The following FAM53A variants were observed in gnomAD, a reference collection of about 807,000 sequenced individuals.
The protein encoded by FAM53A is protein FAM53A.
Under a neutral mutation model 26.6 loss-of-function variants are expected in FAM53A, and 28 were observed. The ratio of observed to expected loss-of-function variants is 1.05; its 90% CI spans 0.78 to 1.45. The LOEUF is 1.45. FAM53A is among the 40% of genes most tolerant of loss of function. The pLI, the probability that FAM53A is intolerant of heterozygous loss-of-function variation, is 0.00. For missense variants in FAM53A, 650 were observed against 575.8 expected, an observed-to-expected ratio of 1.13 and a Z score of -1.32; for synonymous variants, 290 against 253.1, an observed-to-expected ratio of 1.15 and a Z score of -1.38.
chr4:1,668,146 C>T (rs1479106375), intron 2 of FAM53A, among the ~76,000 whole-genome samples: 1 of 13,220 alleles, frequency 7.6e-5, no homozygotes, highest in Non-Finnish European at 5.1e-4. Context: ...CAAGTCAAGG[C>T]TCTTTTTTTT....
At chr4:1,652,389 G>GCACA (rs1553806266) in intron 4 of FAM53A, among the ~76,000 whole-genome samples, 1 of 118,424 alleles carries the variant, frequency 8.4e-6, no homozygotes, top group Non-Finnish European at 1.7e-5. Context: ...CACATCACAT[G>GCACA]CACACCACAC....
rs142856177 is a variant in FAM53A at position 1,655,049 on chromosome 4, G to C, written c.811C>G (p.Arg271Gly). 3,501 of 1,589,042 alleles carry C rather than the reference G, an allele frequency of 2.2e-3. 71 individuals are homozygous for C. The African/African-American group carries it at 0.042, about 19-fold the overall frequency. ...QPCVLSGKRS[R>G]RKRRREEDAR... The stretch of plus-strand genomic sequence containing the variant: ...TCCTCCTCACGCCTCCGTTTGCGCC[G>C]GCTCCTCTTCCCACTGAGCACGCAA... Residue 271 changes from arginine (R) to glycine (G), a missense_variant, in exon 4 of 5, where the codon CGG becomes GGG. Transcript: ENST00000308132.
chr4:1,596,472 C>A, the FAM53A span, among the ~76,000 whole-genome samples: 1 of 146,206 alleles, frequency 6.8e-6, no homozygotes, highest in African/African-American at 2.6e-5. Context: ...CTGGCTACAC[C>A]GTCCAGATGT....
the FAM53A span, among the ~76,000 whole-genome samples, chr4:1,605,743 C>T: frequency 0.083 from 12,590 of 152,154 alleles, 1,552 homozygotes; most frequent in African/African-American, 0.27. The surrounding 1 kb of genome is among the most constrained non-coding windows in gnomAD (Gnocchi z 5.7). Context: ...CTGCAGGCAC[C>T]GCCCGCAGCA....
intron 1 of FAM53A, among the ~76,000 whole-genome samples, chr4:1,629,111 C>G (rs1195278788): frequency 6.6e-6 from 1 of 152,000 alleles, no homozygotes; most frequent in Admixed American, 6.5e-5. Flanking sequence ...CCCCTCCAGG[C>G]GGATACCTCG....
the FAM53A span, among the ~76,000 whole-genome samples, chr4:1,599,491 T>A: frequency 6.6e-6 from 1 of 152,224 alleles, no homozygotes; most frequent in East Asian, 1.9e-4. This position sits in a 1 kb window ranked among gnomAD's most constrained non-coding sequence, Gnocchi z 6.1. Context: ...GGAGCAGCAC[T>A]GGACAGGAGG....
In FAM53A at chr4:1,655,255, G is replaced by A. The variant is rs371811251; in HGVS notation, c.605C>T (p.Ala202Val). The part of the protein sequence containing the change: ...GGFVDSSEGS[A>V]GSGPLWCSAE... ...GGAACACCAGAGCGGGCCTGAGCCC[G>A]CACTGCCCTCGCTGCTGTCCACGAA... The change falls in exon 4 of 5, where the codon GCG becomes GTG. Residue 202 changes from alanine to valine, a missense_variant. Ala to Val is a moderately conservative substitution (Grantham distance 64). Transcript: ENST00000308132. The A allele has an allele frequency of 9.2e-5, 135 of 1,468,330 alleles. 2 individuals are homozygous for A. In the East Asian group the frequency reaches 1.5e-3, roughly 16 times the overall value. The allele number at this position is 1,468,330 out of a possible 1,614,324, so 91.0% of individuals were successfully genotyped here. A position where few individuals can be genotyped will look rare whatever the true frequency, so the allele number is the denominator to read the frequency against.
At chr4:1,578,422 C>T in the FAM53A span, among the ~76,000 whole-genome samples, 6 of 77,824 alleles carry the variant, frequency 7.7e-5, no homozygotes, top group African/African-American at 2.5e-4. Context: ...TGCGCTAGTG[C>T]CCGCACCCGG....
intron 2 of FAM53A, among the ~76,000 whole-genome samples, chr4:1,662,829 T>C (rs564831600): frequency 6.6e-6 from 1 of 152,072 alleles, no homozygotes; most frequent in South Asian, 2.1e-4. Context: ...AGAACCACAA[T>C]GAGATACCAC....
the FAM53A span, among the ~76,000 whole-genome samples, chr4:1,597,218 C>A: frequency 9.7e-6 from 1 of 103,378 alleles, no homozygotes; most frequent in African/African-American, 3.8e-5. Flanking sequence ...GGGCCCTCAG[C>A]CGCCTGGCTC....
At chr4:1,593,691 G>A in the FAM53A span, among the ~76,000 whole-genome samples, 6 of 152,072 alleles carry the variant, frequency 3.9e-5, no homozygotes, top group Non-Finnish European at 5.9e-5. Context: ...GGCTGCCGGG[G>A]TATAAATTAC....
chr4:1,673,289 G>A (rs1008274891), intron 1 of FAM53A, among the ~76,000 whole-genome samples: 1 of 152,216 alleles, frequency 6.6e-6, no homozygotes, highest in Admixed American at 6.5e-5. Flanking sequence ...ACCGTCAGAT[G>A]CCAGCACCAT....
chr4:1,603,009 G>C, the FAM53A span, among the ~76,000 whole-genome samples: 1 of 152,278 alleles, frequency 6.6e-6, no homozygotes, highest in East Asian at 1.9e-4. Flanking sequence ...CAGCCGTCCG[G>C]ACACAGCTCG....
chr4:1,613,432 T>C (rs1714699044), downstream of FAM53A, among the ~76,000 whole-genome samples: 2 of 152,170 alleles, frequency 1.3e-5, no homozygotes, highest in African/African-American at 2.4e-5. Flanking sequence ...AACCTAACCA[T>C]CTCCCAAAGG....
chr4:1,684,659 C>T (rs955192526), upstream of FAM53A, among the ~76,000 whole-genome samples: 2 of 152,048 alleles, frequency 1.3e-5, no homozygotes, highest in East Asian at 3.9e-4. Flanking sequence ...GAGGAGGGCC[C>T]GGTCGGCACT....
chr4:1,652,219 CCACA>C (rs1032175505), intron 4 of FAM53A, among the ~76,000 whole-genome samples: 2 of 131,734 alleles, frequency 1.5e-5, no homozygotes, highest in Admixed American at 7.4e-5. Flanking sequence ...GCCACACACA[CCACA>C]CACACTAGTC....
chr4:1,607,438 C>A, the FAM53A span, among the ~76,000 whole-genome samples: 1 of 152,062 alleles, frequency 6.6e-6, no homozygotes. Context: ...TAGCATGGGA[C>A]CTCGTGCCAT....
chr4:1,653,284 G>C (rs374167763), intron 4 of FAM53A, among the ~76,000 whole-genome samples: 1 of 152,076 alleles, frequency 6.6e-6, no homozygotes, highest in African/African-American at 2.4e-5. Flanking sequence ...ACACTCTACC[G>C]GGGGTACCCC....
At chr4:1,584,350 C>G in the FAM53A span, among the ~76,000 whole-genome samples, 1 of 152,194 alleles carries the variant, frequency 6.6e-6, no homozygotes, top group Non-Finnish European at 1.5e-5. Flanking sequence ...TTAGGTTTCT[C>G]TTTGTATATG....
Sources: allele counts gnomAD v4.1 joint callset (sites outside exome capture counted in the v4.1 genomes callset), GRCh38; gene constraint gnomAD v4.1.1; non-coding constraint Gnocchi (gnomAD v3.1); transcripts MANE v1.5; gene names NCBI Gene and HGNC (gene_info 2026-07-23, HGNC 2026-07-21).